The following LRRK2 variants were observed in gnomAD, a reference collection of about 807,000 sequenced individuals.
LRRK2 encodes the protein leucine-rich repeat serine/threonine-protein kinase 2.
A neutral mutation model predicts 302.6 loss-of-function variants in LRRK2; 203 were observed. The ratio of observed to expected loss-of-function variants is 0.67; its 90% CI spans 0.60 to 0.75. The LOEUF (loss-of-function observed/expected upper bound fraction) is 0.75, where lower values mean the gene tolerates loss of function less well. LRRK2 is among the 30% of genes least tolerant of loss of function. The pLI, the probability that LRRK2 is intolerant of heterozygous loss-of-function variation, is 0.00. For missense variants in LRRK2, 2,830 were observed against 2,951.0 expected, an observed-to-expected ratio of 0.96 and a Z score of 0.95; for synonymous variants, 1,066 against 1,031.9, an observed-to-expected ratio of 1.03 and a Z score of -0.63.
At chr12:40,305,158 C>G (rs895687815) in intron 27 of LRRK2, among the ~76,000 whole-genome samples, 27 of 152,170 alleles carry the variant, frequency 1.8e-4, no homozygotes, top group Non-Finnish European at 3.2e-4. Flanking sequence ...TATTATTTTT[C>G]AAGTTCTAGC....
Position 40,322,130 on chromosome 12 carries a change from G to T in LRRK2, c.5266G>T (p.Asp1756Tyr), listed in dbSNP as rs538052823. The part of the protein sequence containing the change: ...AYCLVGSEVL[D>Y]NHPESFLKIT... Reference sequence around the variant, plus strand: ...TTGTCTGGTAGGATCTGAAGTCTTAGACAATCATCCAGAGAGTTTCTTAAA... The same window carrying T: ...TTGTCTGGTAGGATCTGAAGTCTTATACAATCATCCAGAGAGTTTCTTAAA... Residue 1756 changes from aspartate (D) to tyrosine (Y), a missense_variant, in exon 36 of 51, where the codon GAC becomes TAC. Coordinates refer to ENST00000298910, the MANE Select transcript of LRRK2 (RefSeq NM_198578.4). 3.7e-6 allele frequency: 6 copies of T among 1,612,888 alleles called. No homozygotes were observed. The East Asian group carries it at 1.3e-4, about 36-fold the overall frequency.
chr12:40,327,772 A>G (rs911535153), intron 38 of LRRK2, among the ~76,000 whole-genome samples: 1 of 152,196 alleles, frequency 6.6e-6, no homozygotes, highest in Admixed American at 6.5e-5. Context: ...GTGGTAGTGG[A>G]AATGGAGAAG....
chr12:40,295,987 C>A (rs1340621799), intron 23 of LRRK2, among the ~76,000 whole-genome samples: 4 of 152,126 alleles, frequency 2.6e-5, no homozygotes, highest in Non-Finnish European at 5.9e-5. Context: ...TAGAATTAGA[C>A]CTGGTTTGGT....
At position 40,295,638 on chromosome 12, in the gene LRRK2, A is replaced by C. The variant is rs764051064; in HGVS notation, c.3090A>C (p.Leu1030=). The change falls in exon 23 of 51, where the codon CTA becomes CTC. Residue 1030 remains leucine, a synonymous_variant. Transcript: ENST00000298910. ...QNALTSFPQQ[L]CETLKSLTHL... ...CACTCACGAGCTTTCCACAACAGCT[A>C]TGTGAAGTAAATTTAATTTATCCTT... The C allele has an allele frequency of 6.2e-7, 1 of 1,613,208 alleles. No individual in the cohort carries two copies. The highest frequency in any genetic ancestry group is 8.5e-7 in the Non-Finnish European group (1 of 1,179,496).
At position 40,274,489 on chromosome 12, in the gene LRRK2, T is replaced by C. The variant is rs185860067; in HGVS notation, c.1657-94T>C. On this transcript the variant is annotated intron_variant, in intron 14 of 50. Transcript: ENST00000298910. ...TCAAGGATACTGATTTATATTTGGA[T>C]TACTTGATTTATATTTTGTCAGTCT... is the stretch of plus-strand genomic sequence containing the variant. 253 of 1,265,440 alleles carry C rather than the reference T, an allele frequency of 2.0e-4. No individual in the cohort carries two copies. The Admixed American group carries it at 4.3e-3, about 22-fold the overall frequency. 78.4% of individuals were successfully genotyped at this position (1,265,440 alleles called of 1,614,324 possible).
chr12:40,366,424 A>G (rs1018525717), intron 49 of LRRK2: 1 of 152,338 alleles, frequency 6.6e-6, no homozygotes, highest in East Asian at 1.9e-4. Flanking sequence ...TTTTTCATTA[A>G]TGCTAGTCTC....
At chr12:40,250,997 A>G (rs989992449) in intron 8 of LRRK2, among the ~76,000 whole-genome samples, 2 of 143,760 alleles carry the variant, frequency 1.4e-5, no homozygotes, top group African/African-American at 5.0e-5. Context: ...CCTCTCGTCT[A>G]TTAGGTTTTT....
chr12:40,251,568 A>T (rs1198065546), intron 10 of LRRK2, 24 bp downstream of exon 10: 2 of 1,566,750 alleles, frequency 1.3e-6, no homozygotes, highest in Non-Finnish European at 1.7e-6. Flanking sequence ...ATTTTATATG[A>T]TAGAAAATTT....
chr12:40,331,986 A>G (rs1420225606), intron 39 of LRRK2, among the ~76,000 whole-genome samples: 3 of 152,150 alleles, frequency 2.0e-5, no homozygotes, highest in African/African-American at 7.2e-5. Flanking sequence ...GAAAGAGGGT[A>G]CCTCTTTTGA....
At chr12:40,355,527 C>CCCTT (rs1317267757) in intron 45 of LRRK2, among the ~76,000 whole-genome samples, 2 of 74,790 alleles carry the variant, frequency 2.7e-5, no homozygotes, top group African/African-American at 4.6e-5. Flanking sequence ...CTCCCTCCCT[C>CCCTT]CCTTCCTTCC....
chr12:40,247,922 T>A (rs1407389097), intron 7 of LRRK2, among the ~76,000 whole-genome samples: 1 of 151,778 alleles, frequency 6.6e-6, no homozygotes, highest in African/African-American at 2.4e-5. Flanking sequence ...TCTTTGTGTT[T>A]TATTCAAGAT....
At chr12:40,268,384 A>G (rs926444857) in intron 14 of LRRK2, among the ~76,000 whole-genome samples, 13 of 152,320 alleles carry the variant, frequency 8.5e-5, no homozygotes, top group East Asian at 1.9e-4. Context: ...TATTGATTTC[A>G]GTAGTCAAAA....
chr12:40,321,257 A>T, intron 35 of LRRK2, 69 bp downstream of exon 35: 1 of 1,424,230 alleles, frequency 7.0e-7, no homozygotes, highest in South Asian at 1.2e-5. Flanking sequence ...TTTTTAGAGA[A>T]ATTAGGGAGA....
At chr12:40,287,265 G>C in intron 19 of LRRK2, 86 bp from the exon 20 acceptor site, 1 of 1,139,638 alleles carries the variant, frequency 8.8e-7, no homozygotes, top group Non-Finnish European at 1.3e-6. Flanking sequence ...CAGAAGCATA[G>C]CAATACGTAA....
At chr12:40,256,090 A>G (rs1942487145) in intron 11 of LRRK2, among the ~76,000 whole-genome samples, 1 of 152,190 alleles carries the variant, frequency 6.6e-6, no homozygotes, top group Admixed American at 6.5e-5. Context: ...CTTCAAGACA[A>G]TTGATATTTA....
chr12:40,251,187 G>A (rs1942253358), intron 8 of LRRK2, 45 bp from the exon 9 acceptor site: 2 of 1,279,144 alleles, frequency 1.6e-6, no homozygotes, highest in Non-Finnish European at 2.2e-6. Flanking sequence ...CTGTTAAGTA[G>A]ATAATATATA....
intron 2 of LRRK2, among the ~76,000 whole-genome samples, chr12:40,231,100 T>A (rs1201975946): frequency 6.6e-6 from 1 of 152,140 alleles, no homozygotes; most frequent in Non-Finnish European, 1.5e-5. Flanking sequence ...GCCTCTATTA[T>A]TCTAGCTTCA....
chr12:40,244,736 G>A (rs1371461627), intron 7 of LRRK2, among the ~76,000 whole-genome samples: 2 of 119,374 alleles, frequency 1.7e-5, no homozygotes, highest in African/African-American at 6.2e-5. Context: ...ACTGTTGTGG[G>A]GTGGGGGGAG....
At chr12:40,364,206 G>A (rs1946803913) in intron 48 of LRRK2, among the ~76,000 whole-genome samples, 1 of 151,974 alleles carries the variant, frequency 6.6e-6, no homozygotes, top group Non-Finnish European at 1.5e-5. Context: ...CACTATATCT[G>A]TAAAAGGATA....
Sources: allele counts gnomAD v4.1 joint callset (sites outside exome capture counted in the v4.1 genomes callset), GRCh38; gene constraint gnomAD v4.1.1; transcripts MANE v1.5; gene names NCBI Gene and HGNC (gene_info 2026-07-23, HGNC 2026-07-21).